ATP8B1: variants seen among roughly 807,000 people sequenced by gnomAD.
ATP8B1 encodes the protein ATPase phospholipid transporting 8B1.
A neutral mutation model predicts 149.9 loss-of-function variants in ATP8B1; 80 were observed. The ratio of observed to expected loss-of-function variants is 0.53; its 90% CI spans 0.45 to 0.64. The LOEUF (loss-of-function observed/expected upper bound fraction) is 0.64, where lower values mean the gene tolerates loss of function less well. ATP8B1 is among the 30% of genes least tolerant of loss of function. ATP8B1 has a pLI of 0.00. For missense variants in ATP8B1, 1,247 were observed against 1,552.6 expected, an observed-to-expected ratio of 0.80 and a Z score of 3.31; for synonymous variants, 536 against 562.8, an observed-to-expected ratio of 0.95 and a Z score of 0.67.
intron 15 of ATP8B1, among the ~76,000 whole-genome samples, chr18:57,679,706 C>T (rs1911829194): frequency 6.6e-6 from 1 of 152,128 alleles, no homozygotes; most frequent in African/African-American, 2.4e-5. Flanking sequence ...ACTTTGTCGC[C>T]CAGGCTGGAG....
intron 1 of ATP8B1, among the ~76,000 whole-genome samples, chr18:57,776,238 G>A (rs188216185): frequency 1.1e-3 from 165 of 152,300 alleles, no homozygotes; most frequent in Non-Finnish European, 1.1e-3. Context: ...ACTAACATTG[G>A]CATTCAGCTG....
At chr18:57,762,241 C>T (rs540742887) in intron 1 of ATP8B1, among the ~76,000 whole-genome samples, 2 of 151,764 alleles carry the variant, frequency 1.3e-5, no homozygotes, top group East Asian at 2.0e-4. Flanking sequence ...CAGGTTCAAG[C>T]GATTCTCCTG....
intron 2 of ATP8B1, among the ~76,000 whole-genome samples, chr18:57,728,932 C>T (rs1209931420): frequency 6.6e-6 from 1 of 151,998 alleles, no homozygotes; most frequent in Non-Finnish European, 1.5e-5. Flanking sequence ...GTTGGCCAGG[C>T]TGGTCTCGAA....
intron 1 of ATP8B1, among the ~76,000 whole-genome samples, chr18:57,741,320 T>C (rs566433242): frequency 6.6e-6 from 1 of 152,300 alleles, no homozygotes; most frequent in East Asian, 1.9e-4. Context: ...CATGACTTCT[T>C]GTTGCCAGCC....
intron 2 of ATP8B1, among the ~76,000 whole-genome samples, chr18:57,714,086 T>C (rs1011720064): frequency 1.3e-5 from 2 of 152,116 alleles, no homozygotes; most frequent in Non-Finnish European, 2.9e-5. Flanking sequence ...ACTGAAAGGA[T>C]TTACCACAAG....
At chr18:57,700,941 TA>T (rs1599131575) in intron 6 of ATP8B1, 97 bp downstream of exon 6, 2 of 1,266,408 alleles carry the variant, frequency 1.6e-6, no homozygotes, top group Non-Finnish European at 2.3e-6. Context: ...GTTAATGTAC[TA>T]ATAGCCTTCT....
At chr18:57,746,651 T>A (rs8099126) in intron 1 of ATP8B1, among the ~76,000 whole-genome samples, 8,064 of 151,842 alleles carry the variant, frequency 0.053, 585 homozygotes, top group African/African-American at 0.17. Context: ...AATTTTTGTA[T>A]TTTTAGTAGA....
intron 27 of ATP8B1, among the ~76,000 whole-genome samples, chr18:57,649,368 C>A (rs1909450388): frequency 6.6e-6 from 1 of 152,130 alleles, no homozygotes; most frequent in South Asian, 2.1e-4. Context: ...CAAGGTCACA[C>A]AGCTAGAAAA....
chr18:57,661,275 G>T lies in ATP8B1; in HGVS notation c.2606C>A (p.Thr869Asn). 6.2e-7 allele frequency: 1 copy of T among 1,613,958 alleles called. No homozygotes were observed. The highest frequency in any genetic ancestry group is 8.5e-7 in the Non-Finnish European group (1 of 1,180,016). Reference sequence around the variant, plus strand: ...CACCACCATGGCCTTCTGCTTGGGGGTGACGCGGCAGCAGATGACTGCGCT... The same window carrying T: ...CACCACCATGGCCTTCTGCTTGGGGTTGACGCGGCAGCAGATGACTGCGCT... ...ECSAVICCRVTPKQKAMVVDL... is the reference protein window; with the variant it reads ...ECSAVICCRVNPKQKAMVVDL... Residue 869 changes from threonine (T) to asparagine (N), a missense_variant, in exon 22 of 28, where the codon ACC (threonine) becomes AAC (asparagine). This residue lies in a region of ATP8B1 where 230 missense variants were observed against 356.6 expected (regional missense o/e 0.65). Transcript: ENST00000648908.
chr18:57,767,788 T>TA (rs35968334), intron 1 of ATP8B1, among the ~76,000 whole-genome samples: 61,770 of 143,634 alleles, frequency 0.43, 12,824 homozygotes, highest in Non-Finnish European at 0.45. Context: ...AAACTCCATC[T>TA]AAAAAAAAAA....
chr18:57,654,695 CTT>C (rs35541979), intron 23 of ATP8B1, among the ~76,000 whole-genome samples: 25,986 of 131,396 alleles, frequency 0.2, 2,485 homozygotes, highest in Non-Finnish European at 0.25. Context: ...AAATCCCCTC[CTT>C]TTTTTTTTTT....
At chr18:57,761,754 A>G (rs1390428164) in intron 1 of ATP8B1, among the ~76,000 whole-genome samples, 1 of 150,870 alleles carries the variant, frequency 6.6e-6, no homozygotes, top group African/African-American at 2.4e-5. Context: ...AAAGATTGAG[A>G]CCTTTCTGGC....
intron 20 of ATP8B1, among the ~76,000 whole-genome samples, chr18:57,663,529 C>T (rs892731445): frequency 2.6e-5 from 4 of 152,126 alleles, no homozygotes; most frequent in African/African-American, 7.2e-5. Flanking sequence ...ATAGTGGCTG[C>T]ACCATTTTAT....
intron 20 of ATP8B1, among the ~76,000 whole-genome samples, chr18:57,665,216 A>T (rs1910776005): frequency 7.4e-6 from 1 of 134,608 alleles, no homozygotes; most frequent in Admixed American, 8.3e-5. Flanking sequence ...GACTAAGACA[A>T]ATCATTGAAA....
intron 21 of ATP8B1, among the ~76,000 whole-genome samples, chr18:57,662,277 A>G (rs1910506336): frequency 6.6e-6 from 1 of 152,248 alleles, no homozygotes; most frequent in Non-Finnish European, 1.5e-5. Flanking sequence ...ATTAATTAGT[A>G]AACCAAGATA....
intron 20 of ATP8B1, 83 bp from the exon 21 acceptor site, chr18:57,662,698 ATTGTG>A: frequency 1.3e-6 from 2 of 1,485,902 alleles, no homozygotes; most frequent in Admixed American, 2.0e-5. Flanking sequence ...CTTAAAAAAA[ATTGTG>A]ACAAAAAAAC....
chr18:57,718,130 A>G (rs1339622139), intron 2 of ATP8B1, among the ~76,000 whole-genome samples: 1 of 151,310 alleles, frequency 6.6e-6, no homozygotes, highest in Non-Finnish European at 1.5e-5. Flanking sequence ...AAAAAAAGCA[A>G]AAAAAGAGAG....
At chr18:57,761,579 C>T (rs2080158709) in intron 1 of ATP8B1, among the ~76,000 whole-genome samples, 4 of 152,022 alleles carry the variant, frequency 2.6e-5, no homozygotes, top group Admixed American at 2.6e-4. Flanking sequence ...TCTGTCCCTG[C>T]ATTTCTCCAG....
chr18:57,795,410 ATTT>A (rs1175482217), intron 1 of ATP8B1, among the ~76,000 whole-genome samples: 1 of 152,136 alleles, frequency 6.6e-6, no homozygotes, highest in Non-Finnish European at 1.5e-5. Context: ...CTTAAAAAAA[ATTT>A]TTTTAATTGA....
Sources: allele counts gnomAD v4.1 joint callset (sites outside exome capture counted in the v4.1 genomes callset), GRCh38; gene constraint gnomAD v4.1.1; regional missense constraint gnomAD v4.1.1; transcripts MANE v1.5; gene names NCBI Gene and HGNC (gene_info 2026-07-23, HGNC 2026-07-21).